Variants in CKAP5 observed in about 807,000 individuals in gnomAD.
The protein encoded by CKAP5 is cytoskeleton associated protein 5.
In CKAP5, 27 loss-of-function variants were observed where a neutral mutation model predicts 232.8. That is an observed-to-expected ratio of 0.12 (90% CI 0.09 to 0.16). The LOEUF is 0.16. Ranked by LOEUF, CKAP5 falls within the 10% of genes least tolerant of loss-of-function variation. The pLI, the probability that CKAP5 is intolerant of heterozygous loss-of-function variation, is 1.00. For synonymous variants in CKAP5, 785 were observed against 841.1 expected (o/e 0.93, Z 1.16); for missense variants, 1,838 against 2,424.7 (o/e 0.76, Z 5.08).
intron 8 of CKAP5, among the ~76,000 whole-genome samples, chr11:46,802,557 GACACACACAC>G (rs1254439046): frequency 6.8e-6 from 1 of 147,448 alleles, no homozygotes; most frequent in African/African-American, 2.5e-5. Flanking sequence ...CAGACAGACA[GACACACACAC>G]ACACACACAC....
chr11:46,787,992 AAT>A (rs1401920111), intron 16 of CKAP5, among the ~76,000 whole-genome samples: 1 of 152,168 alleles, frequency 6.6e-6, no homozygotes, highest in Non-Finnish European at 1.5e-5. Context: ...ATAAATAGTA[AAT>A]ATGTTTTCTC....
intron 36 of CKAP5, among the ~76,000 whole-genome samples, chr11:46,754,594 T>A (rs1309170238): frequency 1.3e-5 from 2 of 151,216 alleles, no homozygotes; most frequent in Non-Finnish European, 3.0e-5. Flanking sequence ...GCATTTTTAA[T>A]AGAACCATAC....
intron 1 of CKAP5, among the ~76,000 whole-genome samples, chr11:46,836,767 T>G (rs1056684937): frequency 6.6e-6 from 1 of 152,176 alleles, no homozygotes; most frequent in African/African-American, 2.4e-5. Flanking sequence ...GCAACCTGCT[T>G]CTAGGTATTT....
chr11:46,757,153 A>G (rs1313439480), intron 35 of CKAP5, among the ~76,000 whole-genome samples: 2 of 152,082 alleles, frequency 1.3e-5, no homozygotes, highest in African/African-American at 4.8e-5. Context: ...AATTATCAGC[A>G]AAGTGATGTG....
At chr11:46,779,156 C>T (rs1350427224) in intron 20 of CKAP5, among the ~76,000 whole-genome samples, 1 of 151,880 alleles carries the variant, frequency 6.6e-6, no homozygotes. Flanking sequence ...CTTTTTGAGA[C>T]AGAATCTTGC....
Position 46,787,759 on chromosome 11 carries a change from AT to A in CKAP5, c.1968+921del, listed in dbSNP as rs755219083. The stretch of plus-strand genomic sequence containing the variant: ...TATATGGATGTATACATATTTACAT[AT>A]TTATACACATATAAATTCCTAATTA... On this transcript the variant is annotated intron_variant, in intron 16 of 43. Coordinates refer to ENST00000529230, the MANE Select transcript of CKAP5 (RefSeq NM_001008938.4). Among the ~76,000 whole-genome samples the A allele has an allele frequency of 5.1e-4, 77 of 152,312 alleles. 1 individual carries two copies. The highest frequency in any genetic ancestry group is 9.1e-4 in the Non-Finnish European group (62 of 68,020).
intron 33 of CKAP5, 173 bp downstream of exon 33, chr11:46,760,439 C>A: frequency 2.8e-6 from 2 of 724,574 alleles, no homozygotes; most frequent in Admixed American, 2.3e-5. Flanking sequence ...GAGACAAAGA[C>A]AAAGACAATG....
chr11:46,825,900 T>C (rs1015867463), intron 1 of CKAP5, among the ~76,000 whole-genome samples: 8 of 152,148 alleles, frequency 5.3e-5, no homozygotes, highest in Non-Finnish European at 1.0e-4. Context: ...TTTTTATTAT[T>C]TAACCAAAAT....
intron 4 of CKAP5, among the ~76,000 whole-genome samples, chr11:46,812,132 G>A (rs1012393783): frequency 6.6e-6 from 1 of 152,124 alleles, no homozygotes; most frequent in Non-Finnish European, 1.5e-5. Flanking sequence ...AGAAGTTCAA[G>A]GCCAGCCTGG....
chr11:46,815,351 T>C (rs1051282688), intron 4 of CKAP5, among the ~76,000 whole-genome samples: 1 of 151,914 alleles, frequency 6.6e-6, no homozygotes, highest in African/African-American at 2.4e-5. Context: ...CCTGGCCATA[T>C]TTATTTATTT....
At chr11:46,806,911 G>A (rs1044806562) in intron 8 of CKAP5, among the ~76,000 whole-genome samples, 2 of 152,290 alleles carry the variant, frequency 1.3e-5, no homozygotes, top group African/African-American at 4.8e-5. Flanking sequence ...ATAAACAAGT[G>A]TCTTTTTCAT....
In CKAP5 at chr11:46,816,235, T is replaced by C. The variant is rs376425147; in HGVS notation, c.421A>G (p.Ile141Val). The C allele has an allele frequency of 6.2e-7, 1 of 1,614,172 alleles. No homozygotes were observed. Among genetic ancestry groups the C allele is most frequent in the Non-Finnish European group, 8.5e-7 (1 of 1,180,016 alleles). ...CTCAGTGTCTCTATACAGGCCACTA[T>C]GATCTTGGGATTCTTATTGTCCAAG... ...KGLDNKNPKI[I>V]VACIETLRKA... Residue 141 changes from isoleucine to valine, a missense_variant, in exon 4 of 44, where the codon ATA becomes GTA. Ile to Val is a conservative substitution (Grantham distance 29). Around this residue, in one of 6 missense-constraint regions of CKAP5, gnomAD observed 285 missense variants for 300.0 expected, o/e 0.95. Transcript: ENST00000529230.
chr11:46,799,081 C>T (rs1479943927), intron 9 of CKAP5, among the ~76,000 whole-genome samples: 1 of 152,190 alleles, frequency 6.6e-6, no homozygotes, highest in Admixed American at 6.5e-5. Context: ...CTCACTGAAG[C>T]CTCGGCCTCC....
At chr11:46,789,917 C>T (rs970823997) in intron 15 of CKAP5, among the ~76,000 whole-genome samples, 159 bp downstream of exon 15, 2 of 152,182 alleles carry the variant, frequency 1.3e-5, no homozygotes, top group Non-Finnish European at 2.9e-5. Context: ...AAACACTACA[C>T]AGCTACAAGA....
rs1390059703 is a variant in CKAP5 at position 46,770,929 on chromosome 11, G to C, written c.3045C>G (p.Asp1015Glu). 1 of 1,613,970 alleles carries C rather than the reference G, an allele frequency of 6.2e-7. No homozygotes were observed. The highest frequency in any genetic ancestry group is 8.5e-7 in the Non-Finnish European group (1 of 1,179,978). Reference sequence around the variant, plus strand: ...AGAGATGAGGAACACAAAGGATAAGGTCTGTAGGGGTGGAACGAAGAGTAG... The same window carrying C: ...AGAGATGAGGAACACAAAGGATAAGCTCTGTAGGGGTGGAACGAAGAGTAG... ...KLPTLRSTPT[D>E]LILCVPHLYS... is the part of the protein sequence containing the mutation. The change falls in exon 25 of 44, where the codon GAC becomes GAG. Residue 1015 changes from aspartate to glutamate, a missense_variant. By Grantham distance (45) the Asp-to-Glu change is conservative. Around this residue, in one of 6 missense-constraint regions of CKAP5, gnomAD observed 767 missense variants for 954.6 expected, o/e 0.80. Transcript: ENST00000529230.
intron 38 of CKAP5, among the ~76,000 whole-genome samples, chr11:46,752,185 TATATATATACACACACACACACACAC>T (rs2065070771): frequency 1.5e-5 from 1 of 68,508 alleles, no homozygotes; most frequent in African/African-American, 4.2e-5. Flanking sequence ...TATATATATA[TATATATATACACACACACACACACAC>T]ACACACACAC....
intron 24 of CKAP5, among the ~76,000 whole-genome samples, chr11:46,775,931 C>A (rs2065286580): frequency 6.6e-6 from 1 of 152,006 alleles, no homozygotes; most frequent in Non-Finnish European, 1.5e-5. Context: ...ATGTAACGAA[C>A]CTGCATGTTC....
At chr11:46,763,319 T>C (rs2065171619) in intron 29 of CKAP5, 140 bp from the exon 30 acceptor site, 1 of 960,194 alleles carries the variant, frequency 1.0e-6, no homozygotes, top group African/African-American at 1.7e-5. Flanking sequence ...ACCTAAAAAA[T>C]ATACACACAC....
intron 26 of CKAP5, among the ~76,000 whole-genome samples, chr11:46,769,418 G>A (rs1323791136): frequency 6.6e-6 from 1 of 152,116 alleles, no homozygotes; most frequent in African/African-American, 2.4e-5. Flanking sequence ...TTTTGGGATC[G>A]GGTGTGGTGG....
Sources: gnomAD v4.1 joint callset for allele counts (sites outside exome capture counted in the v4.1 genomes callset) on GRCh38, gnomAD v4.1.1 for gene constraint, gnomAD v4.1.1 regional missense constraint, MANE v1.5 for transcripts, NCBI Gene and HGNC (gene_info 2026-07-23, HGNC 2026-07-21) for gene names.